The following GNAQ variants were observed in gnomAD, a reference collection of about 807,000 sequenced individuals.
The protein encoded by GNAQ is G protein subunit alpha q.
In GNAQ, 8 loss-of-function variants were observed where a neutral mutation model predicts 43.9. The ratio of observed to expected loss-of-function variants is 0.18; its 90% CI spans 0.11 to 0.33. The LOEUF is 0.33. GNAQ is among the 10% of genes least tolerant of loss of function. The pLI is 1.00. For synonymous variants in GNAQ, 155 were observed against 170.7 expected, an observed-to-expected ratio of 0.91 and a Z score of 0.71; for missense variants, 158 against 450.8, an observed-to-expected ratio of 0.35 and a Z score of 5.88.
chr9:77,995,285 G>A (rs918379979), intron 1 of GNAQ, among the ~76,000 whole-genome samples: 2 of 152,114 alleles, frequency 1.3e-5, no homozygotes, highest in Non-Finnish European at 2.9e-5. Flanking sequence ...CTGGTTCTAT[G>A]ACCGTAAGGT....
At chr9:77,862,674 C>A (rs931921730) in intron 2 of GNAQ, among the ~76,000 whole-genome samples, 1 of 152,210 alleles carries the variant, frequency 6.6e-6, no homozygotes, top group Non-Finnish European at 1.5e-5. Flanking sequence ...GCCCTGGAAA[C>A]ATTTTCCCTA....
At chr9:77,723,991 TATAA>T (rs1199117055) in intron 6 of GNAQ, among the ~76,000 whole-genome samples, 2 of 152,238 alleles carry the variant, frequency 1.3e-5, no homozygotes, top group Non-Finnish European at 2.9e-5. Context: ...TTACATGGTA[TATAA>T]ATAATCTCAA....
chr9:77,787,933 G>A (rs1826508430), intron 5 of GNAQ, among the ~76,000 whole-genome samples: 1 of 152,188 alleles, frequency 6.6e-6, no homozygotes, highest in African/African-American at 2.4e-5. Context: ...GGGAGGCTGA[G>A]ACAGGAGAGT....
chr9:77,822,424 A>C (rs1364527918), intron 2 of GNAQ, among the ~76,000 whole-genome samples: 2 of 152,070 alleles, frequency 1.3e-5, no homozygotes, highest in Admixed American at 6.6e-5. Flanking sequence ...ATTTCCTGAT[A>C]TTATACCTCA....
At chr9:77,860,929 T>C (rs1239694895) in intron 2 of GNAQ, among the ~76,000 whole-genome samples, 3 of 152,202 alleles carry the variant, frequency 2.0e-5, no homozygotes, top group Non-Finnish European at 2.9e-5. Flanking sequence ...TCCCCAGAAT[T>C]TGTGAACATA....
chr9:77,976,343 C>T (rs1426962034), intron 1 of GNAQ, among the ~76,000 whole-genome samples: 1 of 152,146 alleles, frequency 6.6e-6, no homozygotes, highest in East Asian at 1.9e-4. Context: ...CAAAAACTAT[C>T]CACTCAACAG....
chr9:77,975,684 C>T (rs767445717), intron 1 of GNAQ, among the ~76,000 whole-genome samples: 4 of 151,908 alleles, frequency 2.6e-5, no homozygotes, highest in Non-Finnish European at 5.9e-5. Context: ...GGATTACACG[C>T]GCACACCACC....
chr9:78,008,445 T>C (rs770589027), intron 1 of GNAQ, among the ~76,000 whole-genome samples: 1 of 152,196 alleles, frequency 6.6e-6, no homozygotes, highest in Non-Finnish European at 1.5e-5. Context: ...ATATCCAGAA[T>C]TATTTACTAT....
chr9:77,783,328 AAAATT>A (rs1291777065), intron 5 of GNAQ, among the ~76,000 whole-genome samples: 7 of 152,230 alleles, frequency 4.6e-5, no homozygotes, highest in Non-Finnish European at 8.8e-5. Flanking sequence ...GTGTGTATAA[AAAATT>A]AAATAGTGGT....
intron 5 of GNAQ, among the ~76,000 whole-genome samples, chr9:77,780,810 G>A (rs1826383425): frequency 6.6e-6 from 1 of 151,966 alleles, no homozygotes; most frequent in Non-Finnish European, 1.5e-5. Flanking sequence ...CTTCCTAAGT[G>A]GGGTGAGATG....
intron 2 of GNAQ, among the ~76,000 whole-genome samples, chr9:77,910,189 G>C (rs1342392004): frequency 1.3e-5 from 2 of 152,034 alleles, no homozygotes; most frequent in Non-Finnish European, 2.9e-5. Flanking sequence ...TTCTACAATA[G>C]CAAAAACTAA....
chr9:77,826,719 G>A lies in GNAQ; in HGVS notation c.322-10949C>T, dbSNP rs546872162. Among the ~76,000 whole-genome samples the A allele has an allele frequency of 1.1e-4, 17 of 152,302 alleles. No individual in the cohort carries two copies. In the South Asian group the frequency reaches 3.1e-3, roughly 28 times the overall value. ...TCAATTTCCTTATCCCTCCAATGAG[G>A]TAATGATAACTATGTCACAGCACCG... is the stretch of plus-strand genomic sequence containing the variant. On this transcript the variant is annotated intron_variant, in intron 2 of 6. Coordinates refer to ENST00000286548, the MANE Select transcript of GNAQ (RefSeq NM_002072.5).
At chr9:77,895,190 T>C (rs1212341651) in intron 2 of GNAQ, among the ~76,000 whole-genome samples, 1 of 102,706 alleles carries the variant, frequency 9.7e-6, no homozygotes, top group African/African-American at 3.4e-5. Context: ...AGAGCGAGAC[T>C]CCATCTCAAA....
rs549093876 is a variant in GNAQ, at chr9:77,940,283, T to C, written c.137-17938A>G. Among the ~76,000 whole-genome samples, 3 of 152,244 alleles carry C rather than the reference T, an allele frequency of 2.0e-5. No individual in the cohort carries two copies. The East Asian group carries it at 5.8e-4, about 29-fold the overall frequency. Reference sequence around the variant, plus strand: ...TGAACTCCCATAACAAACAATCCTTTAAAAATAGGACCTAGGTTGTGCACA... The same window carrying C: ...TGAACTCCCATAACAAACAATCCTTCAAAAATAGGACCTAGGTTGTGCACA... On this transcript the variant is annotated intron_variant, in intron 1 of 6. Coordinates refer to ENST00000286548, the MANE Select transcript of GNAQ (RefSeq NM_002072.5).
At position 77,719,436 on chromosome 9, in the gene GNAQ, A is replaced by G. The variant is rs1022403469; in HGVS notation, c.*1887T>C. On this transcript the variant is annotated 3_prime_UTR_variant, in exon 7 of 7. Coordinates refer to ENST00000286548, the MANE Select transcript of GNAQ (RefSeq NM_002072.5). ...ATTACAGGTACTTTCTGAGCAAGGGAAAAAAAAAGTAAGCTGTGTTGTTTG... is the reference window on the plus strand; with the variant it reads ...ATTACAGGTACTTTCTGAGCAAGGGGAAAAAAAAGTAAGCTGTGTTGTTTG... 2.6e-5 allele frequency: 6 copies of G among 228,368 alleles called. No homozygotes were observed. The highest frequency in any genetic ancestry group is 6.2e-5 in the East Asian group (1 of 16,086). 14.1% of individuals were successfully genotyped at this position (228,368 alleles called of 1,614,324 possible). A position where few individuals can be genotyped will look rare whatever the true frequency, so the allele number is the denominator to read the frequency against.
intron 5 of GNAQ, among the ~76,000 whole-genome samples, chr9:77,779,396 A>C (rs1826352993): frequency 6.6e-6 from 1 of 152,024 alleles, no homozygotes; most frequent in South Asian, 2.1e-4. Context: ...AATTTGTGGA[A>C]TACAACAAAA....
At chr9:77,957,225 G>A (rs1823052157) in intron 1 of GNAQ, among the ~76,000 whole-genome samples, 1 of 151,960 alleles carries the variant, frequency 6.6e-6, no homozygotes, top group African/African-American at 2.4e-5. Flanking sequence ...GTGTGGTGGT[G>A]TGTGCCTGTA....
chr9:77,950,453 C>T (rs1313047064), intron 1 of GNAQ, among the ~76,000 whole-genome samples: 1 of 152,234 alleles, frequency 6.6e-6, no homozygotes, highest in East Asian at 1.9e-4. Context: ...AAGCCTTCCC[C>T]ATTCAGAATA....
At chr9:77,914,828 CAA>C (rs71503232) in intron 2 of GNAQ, among the ~76,000 whole-genome samples, 2,280 of 98,054 alleles carry the variant, frequency 0.023, 47 homozygotes, top group African/African-American at 0.074. Context: ...TTTTGAACAC[CAA>C]AAAAAAAAAA....
Sources: allele counts gnomAD v4.1 joint callset (sites outside exome capture counted in the v4.1 genomes callset), GRCh38; gene constraint gnomAD v4.1.1; transcripts MANE v1.5; gene names NCBI Gene and HGNC (gene_info 2026-07-23, HGNC 2026-07-21).